NBAS: variants seen among roughly 807,000 people sequenced by gnomAD.
The protein encoded by NBAS is NBAS subunit of NRZ tethering complex.
Under a neutral mutation model 302.5 loss-of-function variants are expected in NBAS, and 219 were observed. That is an observed-to-expected ratio of 0.72 (90% CI 0.65 to 0.81). The LOEUF is 0.81. NBAS is among the 30% of genes least tolerant of loss of function. NBAS has a pLI of 0.00. For synonymous variants in NBAS, 1,118 were observed against 1,021.6 expected (o/e 1.09, Z -1.80); for missense variants, 2,932 against 2,841.6 (o/e 1.03, Z -0.72).
chr2:14,888,079 GAA>G, the NBAS span, among the ~76,000 whole-genome samples: 4 of 152,154 alleles, frequency 2.6e-5, no homozygotes, highest in African/African-American at 9.7e-5. Flanking sequence ...TATAAGTAGA[GAA>G]AGAGTCTGAA....
intron 44 of NBAS, among the ~76,000 whole-genome samples, chr2:15,253,942 C>T (rs1261151752): frequency 6.6e-6 from 1 of 152,158 alleles, no homozygotes; most frequent in Non-Finnish European, 1.5e-5. Context: ...GATAACAGCC[C>T]TTGCCCCAAA....
the NBAS span, among the ~76,000 whole-genome samples, chr2:14,977,194 G>A: frequency 6.6e-6 from 1 of 152,154 alleles, no homozygotes; most frequent in Non-Finnish European, 1.5e-5. Flanking sequence ...GATATGCAAA[G>A]GAGCAAGAAA....
intron 44 of NBAS, among the ~76,000 whole-genome samples, chr2:15,248,138 G>C (rs1224402881): frequency 6.6e-6 from 1 of 152,140 alleles, no homozygotes; most frequent in East Asian, 1.9e-4. Context: ...TAGAACTCAG[G>C]ATTAAGAAAC....
the NBAS span, among the ~76,000 whole-genome samples, chr2:15,130,154 C>T: frequency 1.3e-5 from 2 of 152,090 alleles, no homozygotes; most frequent in Non-Finnish European, 2.9e-5. Context: ...GAAGATGTGG[C>T]CTTTTGTAGC....
the NBAS span, among the ~76,000 whole-genome samples, chr2:15,135,846 C>T: frequency 6.9e-6 from 1 of 144,120 alleles, no homozygotes; most frequent in Non-Finnish European, 1.5e-5. Flanking sequence ...AATACACTAA[C>T]ACTAACGATA....
At chr2:15,182,909 T>C (rs1015612760) in intron 50 of NBAS, among the ~76,000 whole-genome samples, 2 of 152,284 alleles carry the variant, frequency 1.3e-5, no homozygotes, top group African/African-American at 2.4e-5. Flanking sequence ...TTTAAAAGTC[T>C]GTAAGCATGG....
At chr2:14,857,626 A>G in the NBAS span, among the ~76,000 whole-genome samples, 1 of 152,162 alleles carries the variant, frequency 6.6e-6, no homozygotes. Context: ...TTCATATGCA[A>G]AAGAATGAAA....
chr2:14,947,015 A>C, the NBAS span, among the ~76,000 whole-genome samples: 1 of 152,156 alleles, frequency 6.6e-6, no homozygotes, highest in South Asian at 2.1e-4. Context: ...AATACAACAA[A>C]AGAAGTTCTA....
rs147411819 is a variant in NBAS, at chr2:15,208,333, G to A, written c.6432+10440C>T. Among the ~76,000 whole-genome samples, 265 of 152,218 alleles carry A rather than the reference G, an allele frequency of 1.7e-3. 3 individuals carry two copies. Among genetic ancestry groups the A allele is most frequent in the African/African-American group, 6.2e-3 (257 of 41,538 alleles). On this transcript the variant is annotated intron_variant, in intron 48 of 51. Coordinates refer to ENST00000281513, the MANE Select transcript of NBAS (RefSeq NM_015909.4). ...GAACAGTATGGGGGAAAGTGCCCCC[G>A]TGATTCAATTATCTTCCACTGGGTC...
the NBAS span, among the ~76,000 whole-genome samples, chr2:14,805,942 T>A: frequency 6.6e-6 from 1 of 152,134 alleles, no homozygotes; most frequent in Non-Finnish European, 1.5e-5. Flanking sequence ...AAGTAACTGA[T>A]CATTTGTTTA....
At chr2:15,414,531 A>G (rs1378882303) in intron 25 of NBAS, among the ~76,000 whole-genome samples, 2 of 152,218 alleles carry the variant, frequency 1.3e-5, no homozygotes, top group Non-Finnish European at 2.9e-5. Flanking sequence ...TTGCCAAAGT[A>G]CCCTACACTT....
At chr2:15,099,147 A>C in the NBAS span, among the ~76,000 whole-genome samples, 1 of 152,098 alleles carries the variant, frequency 6.6e-6, no homozygotes, top group Non-Finnish European at 1.5e-5. Flanking sequence ...TACTAAAAAT[A>C]CAAAAATTAG....
At position 15,309,162 on chromosome 2, in the gene NBAS, C is replaced by A; in HGVS notation, c.4659+9G>T. On this transcript the variant is annotated intron_variant, in intron 39 of 51. Coordinates refer to ENST00000281513, the MANE Select transcript of NBAS (RefSeq NM_015909.4). ...ATTTTAAATTCTTCATTGGTAAGGG[C>A]AAACTTACTTGTGGTAAGGCAAGAA... 3 of 1,609,976 alleles carry A rather than the reference C, an allele frequency of 1.9e-6. No homozygotes were observed. Among genetic ancestry groups the A allele is most frequent in the Non-Finnish European group, 2.5e-6 (3 of 1,176,844 alleles).
At chr2:14,993,125 C>T in the NBAS span, among the ~76,000 whole-genome samples, 1 of 152,178 alleles carries the variant, frequency 6.6e-6, no homozygotes, top group Non-Finnish European at 1.5e-5. Flanking sequence ...CTATGAGCAA[C>T]TTATCCTGTA....
rs1667329702 is a variant in NBAS at position 15,230,364 on chromosome 2, CTTTGTTTTTCTTCTTTTTATT to C, written c.6236+2037_6236+2057del. On this transcript the variant is annotated intron_variant, in intron 47 of 51. Transcript: ENST00000281513. ...ATACTTGCCAAAATAAAAGTTATGG[CTTTGTTTTTCTTCTTTTTATT>C]TTTTAGGCAAAAAAAAAAAAAAAAA... 4.2e-5 allele frequency among the ~76,000 whole-genome samples: 4 copies of C among 95,320 alleles called. No individual in the cohort carries two copies. In the South Asian group the frequency reaches 1.3e-3, roughly 30 times the overall value. The allele number at this position is 95,320 out of a possible 152,430, so 62.5% of individuals were successfully genotyped here. A position where few individuals can be genotyped will look rare whatever the true frequency, so the allele number is the denominator to read the frequency against.
chr2:14,901,075 G>GT, the NBAS span, among the ~76,000 whole-genome samples: 3 of 152,142 alleles, frequency 2.0e-5, no homozygotes, highest in African/African-American at 7.2e-5. Flanking sequence ...TCACTGCCAG[G>GT]TTTAAGCACA....
chr2:15,156,059 G>A, the NBAS span, among the ~76,000 whole-genome samples: 1 of 152,134 alleles, frequency 6.6e-6, no homozygotes. Flanking sequence ...GAGACTTGAC[G>A]GGTATAAAAA....
At chr2:15,488,070 A>ACCATTGATCATAATTGATC (rs1356610952) in intron 12 of NBAS, among the ~76,000 whole-genome samples, 1 of 152,210 alleles carries the variant, frequency 6.6e-6, no homozygotes, top group Non-Finnish European at 1.5e-5. Flanking sequence ...CTCAATTATG[A>ACCATTGATCATAATTGATC]CATTGATCCA....
the NBAS span, among the ~76,000 whole-genome samples, chr2:14,843,557 G>GAC: frequency 0.011 from 1,606 of 147,086 alleles, 34 homozygotes; most frequent in Admixed American, 0.048. Context: ...TACAGACACA[G>GAC]ACACACACAC....
Sources: allele counts gnomAD v4.1 joint callset (sites outside exome capture counted in the v4.1 genomes callset), GRCh38; gene constraint gnomAD v4.1.1; transcripts MANE v1.5; gene names NCBI Gene and HGNC (gene_info 2026-07-23, HGNC 2026-07-21).